The following NPAS3 variants were observed in gnomAD, a reference collection of about 807,000 sequenced individuals.
NPAS3 encodes the protein neuronal PAS domain-containing protein 3.
In NPAS3, 14 loss-of-function variants were observed where a neutral mutation model predicts 73.1. The observed-to-expected ratio is 0.19, with a 90% CI of 0.13 to 0.30. NPAS3 has a LOEUF of 0.30. NPAS3 is among the 10% of genes least tolerant of loss of function. The pLI, the probability that NPAS3 is intolerant of heterozygous loss-of-function variation, is 1.00. For missense variants in NPAS3, 1,096 were observed against 1,250.0 expected, an observed-to-expected ratio of 0.88 and a Z score of 1.86; for synonymous variants, 620 against 541.5, an observed-to-expected ratio of 1.14 and a Z score of -2.01.
At chr14:33,295,254 A>G (rs2042249467) in intron 3 of NPAS3, among the ~76,000 whole-genome samples, 1 of 152,216 alleles carries the variant, frequency 6.6e-6, no homozygotes. Context: ...TAAAAACAGA[A>G]TAAATACCTC....
chr14:33,350,016 G>C (rs572642031), intron 3 of NPAS3, among the ~76,000 whole-genome samples: 1 of 152,320 alleles, frequency 6.6e-6, no homozygotes, highest in Admixed American at 6.5e-5. Flanking sequence ...GCTGGTCCTT[G>C]GGTGTTAAGC....
Position 33,800,199 on chromosome 14 carries a change from T to C in NPAS3, c.1892T>C (p.Val631Ala). ...CCAGGCGGCCTGGACGCGGGCCTGG[T>C]GGAGCCCCCGCGGCTGCTGTCCTCC... is the stretch of plus-strand genomic sequence containing the variant. The change falls in exon 12 of 12, where the codon GTG (valine) becomes GCG (alanine). Residue 631 changes from valine to alanine, a missense_variant. Around this residue, in one of 5 missense-constraint regions of NPAS3, gnomAD observed 698 missense variants for 676.7 expected, o/e 1.03. Transcript: ENST00000356141. The surrounding 1 kb of genome is among the most constrained non-coding windows in gnomAD (Gnocchi z 6.5). 6.2e-7 allele frequency: 1 copy of C among 1,611,950 alleles called. No homozygotes were observed. Among genetic ancestry groups the C allele is most frequent in the Non-Finnish European group, 8.5e-7 (1 of 1,179,466 alleles).
rs199716416 is a variant in NPAS3 at position 33,432,363 on chromosome 14, G to T, written c.468+65095G>T. On this transcript the variant is annotated intron_variant, in intron 4 of 11. Coordinates refer to ENST00000356141, the Ensembl canonical transcript of NPAS3. ...TTGTGAGGACTTATTAGTTGGTTTT[G>T]CTTGCATTTCATAAGAATATCTGGC... Among the ~76,000 whole-genome samples the T allele has an allele frequency of 1.5e-4, 23 of 152,182 alleles. No individual in the cohort carries two copies. In the East Asian group the frequency reaches 3.5e-3, roughly 23 times the overall value.
intron 2 of NPAS3, among the ~76,000 whole-genome samples, chr14:33,096,273 T>G: frequency 6.6e-6 from 1 of 152,256 alleles, no homozygotes; most frequent in Non-Finnish European, 1.5e-5. Flanking sequence ...CTAATTGAAC[T>G]GTGTAAAAAG....
intron 4 of NPAS3, among the ~76,000 whole-genome samples, chr14:33,439,770 C>A (rs1045747726): frequency 6.6e-6 from 1 of 152,112 alleles, no homozygotes; most frequent in African/African-American, 2.4e-5. Context: ...CAGAAACCAA[C>A]CTGAGTGAAA....
Position 33,253,642 on chromosome 14 carries a change from T to C in NPAS3, c.385+38216T>C, listed in dbSNP as rs563763389. Among the ~76,000 whole-genome samples, 4 of 152,110 alleles carry C rather than the reference T, an allele frequency of 2.6e-5. No homozygotes were observed. The South Asian group carries it at 6.2e-4, about 24-fold the overall frequency. ...CTGGTTTTATGCCTTCCATGATGAG[T>C]CACCCATTATGTTCCTTAATGGACT... On this transcript the variant is annotated intron_variant, in intron 3 of 11. Transcript: ENST00000356141.
intron 2 of NPAS3, among the ~76,000 whole-genome samples, chr14:33,166,149 C>A (rs1024756743): frequency 2.0e-5 from 3 of 152,110 alleles, no homozygotes; most frequent in Admixed American, 6.5e-5. Flanking sequence ...ACAGAAGCCT[C>A]CCCCTCACCC....
intron 3 of NPAS3, among the ~76,000 whole-genome samples, chr14:33,306,553 G>A (rs2042762139): frequency 6.6e-6 from 1 of 152,160 alleles, no homozygotes; most frequent in Admixed American, 6.5e-5. Context: ...GATGAATTGT[G>A]GGAATGCATC....
intron 5 of NPAS3, among the ~76,000 whole-genome samples, chr14:33,573,037 A>AAAG (rs1160986897): frequency 6.6e-6 from 1 of 151,878 alleles, no homozygotes; most frequent in East Asian, 1.9e-4. Flanking sequence ...AAAAAAAAAA[A>AAAG]AAAAAAGTTA....
At chr14:32,958,156 GT>G (rs1486419488) in intron 1 of NPAS3, among the ~76,000 whole-genome samples, 1 of 149,376 alleles carries the variant, frequency 6.7e-6, no homozygotes, top group Non-Finnish European at 1.5e-5. Flanking sequence ...ATAAAAGCCT[GT>G]GACCCCTATG....
At chr14:33,474,441 A>G (rs562646733) in intron 4 of NPAS3, among the ~76,000 whole-genome samples, 1 of 152,208 alleles carries the variant, frequency 6.6e-6, no homozygotes, top group African/African-American at 2.4e-5. Context: ...TACTTTATGC[A>G]TAGAAGAAAA....
At chr14:33,736,412 G>A (rs2061524816) in intron 7 of NPAS3, among the ~76,000 whole-genome samples, 1 of 152,312 alleles carries the variant, frequency 6.6e-6, no homozygotes, top group African/African-American at 2.4e-5. Context: ...AAAGGCACAA[G>A]TGGAGCCTCC....
chr14:33,292,348 C>A (rs2042133589), intron 3 of NPAS3, among the ~76,000 whole-genome samples: 1 of 152,202 alleles, frequency 6.6e-6, no homozygotes, highest in Admixed American at 6.5e-5. Flanking sequence ...GCCCCTAGAT[C>A]TGGGCTCTGT....
chr14:33,128,233 A>G (rs1320737705), intron 2 of NPAS3, among the ~76,000 whole-genome samples: 1 of 152,190 alleles, frequency 6.6e-6, no homozygotes, highest in African/African-American at 2.4e-5. Flanking sequence ...CAAAGACAAA[A>G]CAGATAATAA....
At chr14:32,978,467 T>G (rs1338921903) in intron 1 of NPAS3, among the ~76,000 whole-genome samples, 1 of 152,160 alleles carries the variant, frequency 6.6e-6, no homozygotes. Context: ...ACTTCTGTCT[T>G]GAGCACAGCA....
At chr14:33,253,794 G>T (rs528529527) in intron 3 of NPAS3, among the ~76,000 whole-genome samples, 2 of 151,940 alleles carry the variant, frequency 1.3e-5, no homozygotes, top group Admixed American at 1.3e-4. Flanking sequence ...TGGCAGTTCT[G>T]TACCCCTACT....
intron 6 of NPAS3, among the ~76,000 whole-genome samples, chr14:33,697,223 G>A (rs2140434195): frequency 6.6e-6 from 1 of 152,242 alleles, no homozygotes; most frequent in Non-Finnish European, 1.5e-5. Context: ...GCTATCTTTG[G>A]CATCTAAATA....
Position 33,538,093 on chromosome 14 carries a change from T to G in NPAS3, c.469-22028T>G, listed in dbSNP as rs138753188. Among the ~76,000 whole-genome samples, 53 of 152,328 alleles carry G rather than the reference T, an allele frequency of 3.5e-4. 2 individuals carry two copies. The East Asian group carries it at 9.5e-3, about 27-fold the overall frequency. ...GAATTAATGAATATATGAGTCCCTT[T>G]TGTGTCATTTTGGCCAACCAAAAAG... On this transcript the variant is annotated intron_variant, in intron 4 of 11. Transcript: ENST00000356141.
Position 33,323,444 on chromosome 14 carries a change from A to G in NPAS3, c.386-43742A>G, listed in dbSNP as rs577379870. Reference sequence around the variant, plus strand: ...CTGAGATATTCCAATCAGTCATTCCAAACAACTTTTTACCTCTACTCTCTT... The same window carrying G: ...CTGAGATATTCCAATCAGTCATTCCGAACAACTTTTTACCTCTACTCTCTT... On this transcript the variant is annotated intron_variant, in intron 3 of 11. Transcript: ENST00000356141. 3.3e-4 allele frequency among the ~76,000 whole-genome samples: 50 copies of G among 152,366 alleles called. No individual in the cohort carries two copies. The South Asian group carries it at 0.01, about 32-fold the overall frequency.
Sources: allele counts gnomAD v4.1 joint callset (sites outside exome capture counted in the v4.1 genomes callset), GRCh38; gene constraint gnomAD v4.1.1; regional missense constraint gnomAD v4.1.1; non-coding constraint Gnocchi (gnomAD v3.1); transcripts MANE v1.5; gene names NCBI Gene and HGNC (gene_info 2026-07-23, HGNC 2026-07-21).